Variants in DLG2 observed in about 807,000 individuals in gnomAD.
DLG2 encodes the protein disks large homolog 2.
DLG2 carries 45 observed loss-of-function variants against 132.5 expected under a neutral mutation model. The ratio of observed to expected loss-of-function variants is 0.34; its 90% CI spans 0.27 to 0.44. The LOEUF (loss-of-function observed/expected upper bound fraction) is 0.44, where lower values mean the gene tolerates loss of function less well. DLG2 is among the 20% of genes least tolerant of loss of function. The pLI is 1.00. For missense variants in DLG2, 1,045 were observed against 1,196.9 expected, an observed-to-expected ratio of 0.87 and a Z score of 1.87; for synonymous variants, 424 against 419.6, an observed-to-expected ratio of 1.01 and a Z score of -0.13.
rs547322335 is a variant in DLG2, at chr11:84,540,378, CA to C, written c.358-5648del. 3.6e-3 allele frequency among the ~76,000 whole-genome samples: 533 copies of C among 150,122 alleles called. 4 individuals carry two copies. The highest frequency in any genetic ancestry group is 3.4e-3 in the Admixed American group (52 of 15,102). On this transcript the variant is annotated intron_variant, in intron 6 of 27. Coordinates refer to ENST00000376104, the MANE Select transcript of DLG2 (RefSeq NM_001142699.3). ...AAAAAAAACCCCATCAAAAAGTGGG[CA>C]AAGGATATGAACAGACACTTCTCAA...
At chr11:84,059,551 G>A (rs769218198) in intron 10 of DLG2, 67 bp from the exon 11 acceptor site, 88 of 1,221,320 alleles carry the variant, frequency 7.2e-5, no homozygotes, top group Non-Finnish European at 9.4e-5. Context: ...ATATTATTAT[G>A]TTTATCTGAC....
At chr11:83,923,998 C>A (rs1449042158) in intron 15 of DLG2, among the ~76,000 whole-genome samples, 1 of 152,064 alleles carries the variant, frequency 6.6e-6, no homozygotes, top group East Asian at 1.9e-4. Flanking sequence ...CAATAGCCCT[C>A]AGCCACACAG....
intron 4 of DLG2, among the ~76,000 whole-genome samples, chr11:85,282,426 C>T (rs1457943880): frequency 6.6e-6 from 1 of 151,888 alleles, no homozygotes; most frequent in African/African-American, 2.4e-5. Flanking sequence ...CCTGATTTAA[C>T]CATCACACAT....
chr11:84,395,627 A>C (rs1567518862), intron 7 of DLG2, among the ~76,000 whole-genome samples: 1 of 152,202 alleles, frequency 6.6e-6, no homozygotes, highest in Non-Finnish European at 1.5e-5. Context: ...CATGTTGCCC[A>C]GGCTAGAGGT....
At chr11:85,418,424 T>A (rs901064989) in intron 3 of DLG2, among the ~76,000 whole-genome samples, 2 of 152,190 alleles carry the variant, frequency 1.3e-5, no homozygotes, top group African/African-American at 4.8e-5. Context: ...TTCTGTTGAT[T>A]TGGGGTGGAG....
intron 6 of DLG2, among the ~76,000 whole-genome samples, chr11:84,815,795 T>C (rs932280469): frequency 6.6e-6 from 1 of 151,996 alleles, no homozygotes; most frequent in Admixed American, 6.6e-5. Context: ...ATGCATAAAA[T>C]GGGTTATGAT....
chr11:85,421,291 C>A (rs1363197118), intron 3 of DLG2, among the ~76,000 whole-genome samples: 1 of 151,964 alleles, frequency 6.6e-6, no homozygotes, highest in African/African-American at 2.4e-5. Context: ...TTTAACCAGT[C>A]CCAATGAGAT....
intron 6 of DLG2, among the ~76,000 whole-genome samples, chr11:84,679,033 G>T (rs779063044): frequency 2.2e-4 from 34 of 152,024 alleles, no homozygotes; most frequent in Non-Finnish European, 3.5e-4. Flanking sequence ...TGTTACAAAT[G>T]GCTGTTAAGT....
At chr11:85,128,289 C>A (rs1344886683) in intron 5 of DLG2, among the ~76,000 whole-genome samples, 2 of 151,668 alleles carry the variant, frequency 1.3e-5, no homozygotes, top group African/African-American at 2.4e-5. Context: ...TGTGATTCAC[C>A]CACTACTACT....
At chr11:83,657,739 A>T (rs559012450) in intron 18 of DLG2, among the ~76,000 whole-genome samples, 1 of 151,832 alleles carries the variant, frequency 6.6e-6, no homozygotes, top group South Asian at 2.1e-4. Flanking sequence ...ACGGGGTTTC[A>T]CCGCATTAGC....
rs372531088 is a variant in DLG2, at chr11:83,751,020, A to C, written c.1825+35670T>G. ...TTCTCTTCTAATGAGAGAGACAGAAAAATATGTTAGATAAGTAAAATATAT... is the reference window on the plus strand; with the variant it reads ...TTCTCTTCTAATGAGAGAGACAGAACAATATGTTAGATAAGTAAAATATAT... On this transcript the variant is annotated intron_variant, in intron 18 of 27. Transcript: ENST00000376104. 3.7e-4 allele frequency among the ~76,000 whole-genome samples: 56 copies of C among 152,354 alleles called. 1 individual carries two copies. The highest frequency in any genetic ancestry group is 1.3e-3 in the African/African-American group (55 of 41,582).
In DLG2 at chr11:85,487,495, G is replaced by T. The variant is rs2093456326; in HGVS notation, c.40+111162C>A. Among the ~76,000 whole-genome samples, 4 of 145,408 alleles carry T rather than the reference G, an allele frequency of 2.8e-5. No homozygotes were observed. In the South Asian group the frequency reaches 8.6e-4, roughly 31 times the overall value. On this transcript the variant is annotated intron_variant, in intron 3 of 27. Coordinates refer to ENST00000376104, the MANE Select transcript of DLG2 (RefSeq NM_001142699.3). ...AGGTATTTCTAAAAAGAACCAAATA[G>T]AACTTATGGAACTGAAAAATTAATT...
intron 10 of DLG2, among the ~76,000 whole-genome samples, chr11:84,072,097 A>C (rs1265625549): frequency 6.6e-6 from 1 of 152,228 alleles, no homozygotes; most frequent in Non-Finnish European, 1.5e-5. Flanking sequence ...GAGTTTTCTA[A>C]TTCACATAAA....
intron 15 of DLG2, among the ~76,000 whole-genome samples, chr11:83,887,048 C>T (rs969705108): frequency 6.6e-6 from 1 of 152,040 alleles, no homozygotes; most frequent in Non-Finnish European, 1.5e-5. Context: ...ACTAGAAAAG[C>T]AAGAGCAAAC....
chr11:85,453,344 A>G, intron 3 of DLG2: 1 of 235,668 alleles, frequency 4.2e-6, no homozygotes, highest in African/African-American at 2.3e-5. Context: ...AGCCCTATTG[A>G]GTCTTTTGTG....
intron 4 of DLG2, among the ~76,000 whole-genome samples, chr11:85,212,485 C>T (rs530051041): frequency 6.6e-6 from 1 of 152,218 alleles, no homozygotes; most frequent in South Asian, 2.1e-4. Context: ...TCATTGAGGA[C>T]TGACTGTGCT....
chr11:83,752,712 T>C (rs2093381231), intron 18 of DLG2, among the ~76,000 whole-genome samples: 1 of 149,858 alleles, frequency 6.7e-6, no homozygotes, highest in Admixed American at 6.6e-5. Context: ...GTGAGTTTTC[T>C]CCTAAGGGAT....
At chr11:85,391,193 T>C (rs2086769290) in intron 3 of DLG2, among the ~76,000 whole-genome samples, 1 of 152,000 alleles carries the variant, frequency 6.6e-6, no homozygotes, top group African/African-American at 2.4e-5. Context: ...CTAGAGGACA[T>C]GGATAAATTC....
chr11:83,695,815 A>G (rs1471883252), intron 18 of DLG2, among the ~76,000 whole-genome samples: 1 of 152,100 alleles, frequency 6.6e-6, no homozygotes, highest in Admixed American at 6.6e-5. Flanking sequence ...TAACCAAGGG[A>G]GAAGAGGTTG....
Sources: gnomAD v4.1 joint callset for allele counts (sites outside exome capture counted in the v4.1 genomes callset) on GRCh38, gnomAD v4.1.1 for gene constraint, MANE v1.5 for transcripts, NCBI Gene and HGNC (gene_info 2026-07-23, HGNC 2026-07-21) for gene names.